The following AKNA variants were observed in gnomAD, a reference collection of about 807,000 sequenced individuals.
The protein encoded by AKNA is microtubule organization protein AKNA.
A neutral mutation model predicts 138.8 loss-of-function variants in AKNA; 67 were observed. The ratio of observed to expected loss-of-function variants is 0.48; its 90% CI spans 0.40 to 0.59. AKNA has a LOEUF of 0.59. Ranked by LOEUF, AKNA falls within the 20% of genes least tolerant of loss-of-function variation. The probability of loss-of-function intolerance (pLI) is 0.00; values close to 1 mark genes in which losing one functional copy is unlikely to be tolerated. For synonymous variants in AKNA, 737 were observed against 754.4 expected, an observed-to-expected ratio of 0.98 and a Z score of 0.38; for missense variants, 1,813 against 1,880.4, an observed-to-expected ratio of 0.96 and a Z score of 0.66.
intron 7 of AKNA, 103 bp from the exon 8 acceptor site, chr9:114,362,636 A>G (rs920010725): frequency 2.1e-4 from 299 of 1,395,278 alleles, no homozygotes; most frequent in Non-Finnish European, 2.6e-4. Flanking sequence ...CATGGGATGC[A>G]CCTGGGCCCC....
At position 114,342,010 on chromosome 9, in the gene AKNA, A is replaced by G. The variant is rs768430845; in HGVS notation, c.3873T>C (p.Ser1291=). Residue 1291 remains serine, a splice_region_variant and synonymous_variant, in exon 20 of 22, where the codon TCT becomes TCC. Coordinates refer to ENST00000374088, the MANE Select transcript of AKNA (RefSeq NM_001317950.2). The stretch of plus-strand genomic sequence containing the variant: ...AGAAGAAACAGTATTTGTCCCTACC[A>G]GAGGTGGCTGAGCCTGGACCATCTG... The part of the protein sequence containing the change: ...PEADGPGSAT[S]GAEKATTRRK... 1.2e-6 allele frequency: 2 copies of G among 1,612,194 alleles called. No homozygotes were observed. The highest frequency in any genetic ancestry group is 2.2e-5 in the South Asian group (2 of 91,028).
chr9:114,390,592 C>T (rs1420648311), upstream of AKNA, among the ~76,000 whole-genome samples: 1 of 152,202 alleles, frequency 6.6e-6, no homozygotes, highest in Non-Finnish European at 1.5e-5. Context: ...CACACTGCAC[C>T]GATGTGGTCT....
chr9:114,350,868 G>A lies in AKNA; in HGVS notation c.3212C>T (p.Ala1071Val). 6.4e-7 allele frequency: 1 copy of A among 1,573,976 alleles called. No individual in the cohort carries two copies. Among genetic ancestry groups the A allele is most frequent in the South Asian group, 1.2e-5 (1 of 84,778 alleles). The stretch of plus-strand genomic sequence containing the variant: ...CAAGTGTCTAACTTACTCTCGCCCT[G>A]CCCTGGTGAGCAGGAAGCTGGGGAT... ...ETIPSFLLTR[A>V]GRDQAICELQ... Residue 1071 changes from alanine (A) to valine (V), a missense_variant, in exon 15 of 22, where the codon GCA becomes GTA. Ala to Val is a moderately conservative substitution (Grantham distance 64). Coordinates refer to ENST00000374088, the MANE Select transcript of AKNA (RefSeq NM_001317950.2).
chr9:114,367,306 G>C, intron 6 of AKNA, among the ~76,000 whole-genome samples: 1 of 152,100 alleles, frequency 6.6e-6, no homozygotes. Context: ...ATTTGGATGA[G>C]ATGCATTGCC....
Position 114,361,650 on chromosome 9 carries a change from A to T in AKNA, c.2124+54T>A, listed in dbSNP as rs905075406. 9 of 1,584,718 alleles carry T rather than the reference A, an allele frequency of 5.7e-6. No individual in the cohort carries two copies. The African/African-American group carries it at 1.2e-4, about 21-fold the overall frequency. ...TAATACGTATTGAAGAAATGAATTA[A>T]CGAAGAAATGAATGCACGAGGGAAC... is the stretch of plus-strand genomic sequence containing the variant. On this transcript the variant is annotated intron_variant, in intron 9 of 21. Transcript: ENST00000374088.
intron 1 of AKNA, among the ~76,000 whole-genome samples, chr9:114,382,224 C>T (rs4979373): frequency 0.39 from 59,981 of 151,994 alleles, 13,608 homozygotes; most frequent in Middle Eastern, 0.54. Context: ...GTTTAGAAGC[C>T]GGTTCCTCCA....
chr9:114,352,479 C>T (rs1831194821), intron 14 of AKNA, among the ~76,000 whole-genome samples: 1 of 151,734 alleles, frequency 6.6e-6, no homozygotes, highest in African/African-American at 2.4e-5. Flanking sequence ...TACCTGTAGT[C>T]CCAGCTACTC....
In AKNA at chr9:114,346,756, G is replaced by A. The variant is rs1160065089; in HGVS notation, c.3427C>T (p.Pro1143Ser). The change falls in exon 17 of 22, where the codon CCT becomes TCT. Residue 1143 changes from proline (P) to serine (S), a missense_variant. By Grantham distance (74) the Pro-to-Ser change is moderately conservative. Coordinates refer to ENST00000374088, the MANE Select transcript of AKNA (RefSeq NM_001317950.2). ...GGGACAATCTGCTCTTCACCTCTAG[G>A]CTCACCAGGCAATCTCTCTGTGGAT... ...SKSTERLPGE[P>S]RGEEQIVPPG... 6.2e-7 allele frequency: 1 copy of A among 1,612,714 alleles called. No individual in the cohort carries two copies. The highest frequency in any genetic ancestry group is 8.5e-7 in the Non-Finnish European group (1 of 1,179,480).
chr9:114,332,657 C>T (rs1337524969), downstream of AKNA, among the ~76,000 whole-genome samples: 1 of 152,086 alleles, frequency 6.6e-6, no homozygotes, highest in African/African-American at 2.4e-5. Context: ...TGAACGCAAC[C>T]ACTGTAGTCA....
intron 4 of AKNA, among the ~76,000 whole-genome samples, chr9:114,373,341 C>T (rs1165792424): frequency 6.6e-6 from 1 of 152,060 alleles, no homozygotes; most frequent in Non-Finnish European, 1.5e-5. Context: ...CCCCATACTG[C>T]TGTTCAGGGG....
chr9:114,352,379 CTT>C (rs1397516207), intron 14 of AKNA, among the ~76,000 whole-genome samples: 5 of 150,908 alleles, frequency 3.3e-5, no homozygotes, highest in South Asian at 2.1e-4. Context: ...GGGCGGATCA[CTT>C]GAGGTCAGGA....
chr9:114,388,462 T>G (rs1262783049), upstream of AKNA, among the ~76,000 whole-genome samples: 1 of 152,208 alleles, frequency 6.6e-6, no homozygotes, highest in Non-Finnish European at 1.5e-5. Flanking sequence ...TCTGCCAATG[T>G]GCAACCTGAA....
intron 5 of AKNA, 59 bp from the exon 6 acceptor site, chr9:114,367,756 A>C: frequency 6.7e-7 from 1 of 1,497,670 alleles, no homozygotes; most frequent in Non-Finnish European, 8.9e-7. Context: ...GAGCTGAAGG[A>C]CTGAGGCTGA....
chr9:114,393,052 C>G (rs1159439271), intron 1 of AKNA, among the ~76,000 whole-genome samples: 1 of 152,160 alleles, frequency 6.6e-6, no homozygotes, highest in Admixed American at 6.5e-5. Flanking sequence ...ATACTGAACA[C>G]CTATTATGTG....
At chr9:114,344,465 T>A (rs1029279109) in intron 18 of AKNA, 2 of 152,888 alleles carry the variant, frequency 1.3e-5, no homozygotes, top group African/African-American at 4.8e-5. Context: ...CCCCTGAGTT[T>A]CAAATAAGGC....
At chr9:114,353,325 C>A (rs372906573) in intron 14 of AKNA, among the ~76,000 whole-genome samples, 17 of 151,390 alleles carry the variant, frequency 1.1e-4, no homozygotes, top group Non-Finnish European at 7.4e-5. Context: ...AGTGAAGTGG[C>A]GCAATCTCAG....
chr9:114,372,529 T>G (rs1438862524), intron 4 of AKNA, among the ~76,000 whole-genome samples: 1 of 152,026 alleles, frequency 6.6e-6, no homozygotes, highest in Non-Finnish European at 1.5e-5. Flanking sequence ...GTATACTGAC[T>G]CATGCCCTTA....
upstream of AKNA, among the ~76,000 whole-genome samples, chr9:114,388,586 T>A (rs182945358): frequency 2.7e-3 from 405 of 152,242 alleles, no homozygotes; most frequent in Non-Finnish European, 4.4e-3. Context: ...ACCTGGCGGA[T>A]CAGGTAAACT....
chr9:114,383,155 T>C, intron 1 of AKNA: 1 of 456,026 alleles, frequency 2.2e-6, no homozygotes, highest in Non-Finnish European at 4.4e-6. Context: ...AAAGTTCCCC[T>C]TGGGCTGCTC....
Sources: gnomAD v4.1 joint callset for allele counts (sites outside exome capture counted in the v4.1 genomes callset) on GRCh38, gnomAD v4.1.1 for gene constraint, MANE v1.5 for transcripts, NCBI Gene and HGNC (gene_info 2026-07-23, HGNC 2026-07-21) for gene names.